CDK14: variants seen among roughly 807,000 people sequenced by gnomAD.
The protein encoded by CDK14 is cyclin-dependent kinase 14.
CDK14 carries 34 observed loss-of-function variants against 60.7 expected under a neutral mutation model. That is an observed-to-expected ratio of 0.56 (90% CI 0.43 to 0.75). The LOEUF (loss-of-function observed/expected upper bound fraction) is 0.75. CDK14 is among the 30% of genes least tolerant of loss of function. CDK14 has a pLI of 0.00. For synonymous variants in CDK14, 197 were observed against 203.7 expected, an observed-to-expected ratio of 0.97 and a Z score of 0.28; for missense variants, 482 against 564.1, an observed-to-expected ratio of 0.85 and a Z score of 1.47.
chr7:90,751,087 G>T (rs1383955198), intron 4 of CDK14, among the ~76,000 whole-genome samples: 2 of 151,724 alleles, frequency 1.3e-5, no homozygotes, highest in African/African-American at 4.8e-5. Flanking sequence ...CAGAGAAAAG[G>T]TAAACAACCT....
At chr7:90,782,017 A>G (rs1160498715) in intron 4 of CDK14, among the ~76,000 whole-genome samples, 1 of 152,118 alleles carries the variant, frequency 6.6e-6, no homozygotes, top group African/African-American at 2.4e-5. Context: ...CAGTATGGCC[A>G]TTTTCACGAT....
At chr7:91,188,151 TTTC>T (rs993672449) in intron 14 of CDK14, among the ~76,000 whole-genome samples, 3 of 152,192 alleles carry the variant, frequency 2.0e-5, no homozygotes, top group South Asian at 4.1e-4. Context: ...GCCGAAGTAA[TTTC>T]TTCTTCTGCA....
At chr7:91,058,541 G>A (rs1020706780) in intron 11 of CDK14, among the ~76,000 whole-genome samples, 22 of 152,172 alleles carry the variant, frequency 1.4e-4, no homozygotes, top group African/African-American at 5.1e-4. Context: ...TTGGCTGTGG[G>A]TTTGTCATAG....
At chr7:91,055,222 G>C (rs932414766) in intron 11 of CDK14, among the ~76,000 whole-genome samples, 2 of 152,092 alleles carry the variant, frequency 1.3e-5, no homozygotes, top group Non-Finnish European at 2.9e-5. Flanking sequence ...TATGGCCAAC[G>C]ATATGAAATA....
chr7:91,167,295 A>G (rs76459616), intron 14 of CDK14, among the ~76,000 whole-genome samples: 9,552 of 152,262 alleles, frequency 0.063, 843 homozygotes, highest in East Asian at 0.47. Flanking sequence ...TAATTTTTTA[A>G]AAAAGGAGAA....
intron 3 of CDK14, among the ~76,000 whole-genome samples, chr7:90,746,260 A>G (rs1803586730): frequency 6.6e-6 from 1 of 152,134 alleles, no homozygotes; most frequent in Non-Finnish European, 1.5e-5. Context: ...ATTGTTTTTG[A>G]AAAATAACTT....
intron 12 of CDK14, among the ~76,000 whole-genome samples, chr7:91,104,731 TGC>T (rs1335353800): frequency 6.6e-6 from 1 of 152,214 alleles, no homozygotes; most frequent in African/African-American, 2.4e-5. Flanking sequence ...CTTTGGATGA[TGC>T]ATTTGAGATT....
rs182083374 is a variant in CDK14 at position 90,636,634 on chromosome 7, T to C, written c.123+32385T>C. The stretch of plus-strand genomic sequence containing the variant: ...TCTCTGCCCAGCTTTGGTATCAGGA[T>C]GATGCTGGCCTCATAAAATGAGTTA... On this transcript the variant is annotated intron_variant, in intron 2 of 14. Transcript: ENST00000380050. Among the ~76,000 whole-genome samples the C allele has an allele frequency of 3.5e-4, 53 of 152,116 alleles. No individual in the cohort carries two copies. In the East Asian group the frequency reaches 4.3e-3, roughly 12 times the overall value.
rs529098537 is a variant in CDK14 at position 91,002,615 on chromosome 7, G to A, written c.1041+18374G>A. 2.0e-5 allele frequency among the ~76,000 whole-genome samples: 3 copies of A among 152,250 alleles called. No homozygotes were observed. The East Asian group carries it at 5.8e-4, about 29-fold the overall frequency. On this transcript the variant is annotated intron_variant, in intron 10 of 14. Transcript: ENST00000380050. Reference sequence around the variant, plus strand: ...ATGTCAGTTACTGTGTTAGAACCTAGGATGTAAAAGCAAACAAGACATTGT... The same window carrying A: ...ATGTCAGTTACTGTGTTAGAACCTAAGATGTAAAAGCAAACAAGACATTGT...
intron 2 of CDK14, among the ~76,000 whole-genome samples, chr7:90,628,282 G>C (rs1475056793): frequency 6.6e-6 from 1 of 152,104 alleles, no homozygotes; most frequent in Non-Finnish European, 1.5e-5. Context: ...TAGGATTCTA[G>C]CTTGTTTGCT....
At chr7:91,048,813 C>A (rs755643631) in intron 11 of CDK14, among the ~76,000 whole-genome samples, 4 of 151,952 alleles carry the variant, frequency 2.6e-5, no homozygotes, top group Admixed American at 6.6e-5. Context: ...TCTCTGAATT[C>A]TTTTTATCTT....
chr7:91,160,208 T>C (rs915667920), intron 14 of CDK14, among the ~76,000 whole-genome samples: 5 of 152,270 alleles, frequency 3.3e-5, no homozygotes, highest in Admixed American at 3.3e-4. Context: ...AAATGAATCA[T>C]CTGAGTGTCA....
intron 7 of CDK14, among the ~76,000 whole-genome samples, chr7:90,905,072 A>G (rs1029443540): frequency 5.3e-5 from 8 of 152,180 alleles, no homozygotes; most frequent in Non-Finnish European, 1.0e-4. Context: ...ACTAATACTC[A>G]AGGAATATAC....
intron 12 of CDK14, among the ~76,000 whole-genome samples, chr7:91,087,210 A>G (rs1039922381): frequency 6.6e-6 from 1 of 152,184 alleles, no homozygotes; most frequent in African/African-American, 2.4e-5. Flanking sequence ...ACTTTATAAT[A>G]CTGGGGCTCA....
chr7:91,169,550 C>T (rs1475355931), intron 14 of CDK14, among the ~76,000 whole-genome samples: 4 of 152,204 alleles, frequency 2.6e-5, no homozygotes, highest in Admixed American at 2.6e-4. Context: ...TACCCTCTCC[C>T]TTTAAAAATA....
intron 5 of CDK14, among the ~76,000 whole-genome samples, chr7:90,794,051 A>G (rs1399105286): frequency 6.6e-6 from 1 of 151,940 alleles, no homozygotes; most frequent in African/African-American, 2.4e-5. Flanking sequence ...AAAAGAGAGA[A>G]ATTTTAAAGC....
At chr7:90,957,841 G>A (rs995761127) in intron 9 of CDK14, among the ~76,000 whole-genome samples, 1 of 151,676 alleles carries the variant, frequency 6.6e-6, no homozygotes, top group South Asian at 2.1e-4. Context: ...TCACAGAATT[G>A]GAAAAAACTA....
At chr7:90,795,194 G>A (rs1019442900) in intron 5 of CDK14, among the ~76,000 whole-genome samples, 1 of 152,106 alleles carries the variant, frequency 6.6e-6, no homozygotes, top group Non-Finnish European at 1.5e-5. Context: ...TGGAAAAATT[G>A]TATTGTGTTT....
intron 9 of CDK14, among the ~76,000 whole-genome samples, chr7:90,983,086 C>T (rs1296214209): frequency 1.3e-5 from 2 of 152,146 alleles, no homozygotes; most frequent in African/African-American, 2.4e-5. Context: ...AGGGAATGCT[C>T]ATACACTGTT....
Sources: gnomAD v4.1 joint callset for allele counts (sites outside exome capture counted in the v4.1 genomes callset) on GRCh38, gnomAD v4.1.1 for gene constraint, MANE v1.5 for transcripts, NCBI Gene and HGNC (gene_info 2026-07-23, HGNC 2026-07-21) for gene names.